The following ROBO1 variants were observed in gnomAD, a reference collection of about 807,000 sequenced individuals.
ROBO1 encodes roundabout guidance receptor 1, also known as roundabout homolog 1.
A neutral mutation model predicts 195.9 loss-of-function variants in ROBO1; 149 were observed. That is an observed-to-expected ratio of 0.76 (90% CI 0.67 to 0.87). The LOEUF is 0.87. Ranked by LOEUF, ROBO1 falls within the 40% of genes least tolerant of loss-of-function variation. The pLI is 0.00. For synonymous variants in ROBO1, 816 were observed against 733.2 expected, an observed-to-expected ratio of 1.11 and a Z score of -1.82; for missense variants, 1,933 against 2,068.3, an observed-to-expected ratio of 0.93 and a Z score of 1.27.
intron 4 of ROBO1, among the ~76,000 whole-genome samples, chr3:78,922,113 T>A (rs984164480): frequency 4.6e-5 from 7 of 152,054 alleles, no homozygotes; most frequent in Non-Finnish European, 8.8e-5. Context: ...ATAAACTAGG[T>A]TTACATGGTA....
At chr3:78,899,627 A>T (rs911092245) in intron 4 of ROBO1, among the ~76,000 whole-genome samples, 3 of 152,204 alleles carry the variant, frequency 2.0e-5, no homozygotes, top group African/African-American at 7.2e-5. Context: ...CTTCAAAAAT[A>T]AATTAAGATC....
intron 2 of ROBO1, among the ~76,000 whole-genome samples, chr3:79,443,781 A>T (rs572485102): frequency 6.6e-6 from 1 of 152,124 alleles, no homozygotes; most frequent in Non-Finnish European, 1.5e-5. Flanking sequence ...AACAATTTGC[A>T]TAATTTATTA....
chr3:78,854,537 GCTTT>G (rs1266337221), intron 4 of ROBO1, among the ~76,000 whole-genome samples: 2 of 151,102 alleles, frequency 1.3e-5, no homozygotes, highest in African/African-American at 4.9e-5. Context: ...ATTAAGAAGG[GCTTT>G]CTTTGTGTGG....
chr3:79,088,872 A>G (rs1341840567), intron 3 of ROBO1, among the ~76,000 whole-genome samples: 1 of 152,028 alleles, frequency 6.6e-6, no homozygotes, highest in Non-Finnish European at 1.5e-5. Flanking sequence ...GACATATTTT[A>G]CCCATATTTT....
At chr3:79,304,572 A>G (rs991600744) in intron 2 of ROBO1, among the ~76,000 whole-genome samples, 5 of 152,170 alleles carry the variant, frequency 3.3e-5, no homozygotes, top group African/African-American at 1.2e-4. Context: ...GTCACTATAC[A>G]TTAGTTTACA....
At chr3:78,753,931 T>TAAAAA (rs1405442860) in intron 4 of ROBO1, among the ~76,000 whole-genome samples, 1 of 152,222 alleles carries the variant, frequency 6.6e-6, no homozygotes, top group Non-Finnish European at 1.5e-5. Context: ...AGATTTATTT[T>TAAAAA]AAAAGTTCAC....
intron 1 of ROBO1, among the ~76,000 whole-genome samples, chr3:79,708,011 G>T (rs9813485): frequency 0.29 from 44,206 of 151,944 alleles, 7,466 homozygotes; most frequent in African/African-American, 0.47. Flanking sequence ...TACAAGGAGT[G>T]GTATTCTGTT....
rs561918347 is a variant in ROBO1, at chr3:79,320,742, C to T, written c.89-195203G>A. ...AACAGAAGGCTCTACTTTAGGCAAA[C>T]CTACATTAAATTATTAAGGCTTAAT... On this transcript the variant is annotated intron_variant, in intron 2 of 30. Coordinates refer to ENST00000464233, the MANE Select transcript of ROBO1 (RefSeq NM_002941.4). Among the ~76,000 whole-genome samples the T allele has an allele frequency of 6.6e-5, 10 of 152,254 alleles. No homozygotes were observed. In the East Asian group the frequency reaches 1.9e-3, roughly 29 times the overall value.
intron 2 of ROBO1, among the ~76,000 whole-genome samples, chr3:79,235,201 G>A (rs920255826): frequency 2.0e-5 from 3 of 151,800 alleles, no homozygotes; most frequent in African/African-American, 7.3e-5. Context: ...CTTGAATAAT[G>A]TTTCAAATTT....
chr3:79,381,242 A>ACCT (rs1260068045), intron 2 of ROBO1, among the ~76,000 whole-genome samples: 1 of 151,332 alleles, frequency 6.6e-6, no homozygotes, highest in Non-Finnish European at 1.5e-5. Flanking sequence ...CTGTAATCCC[A>ACCT]GCTACTTGGG....
At chr3:79,404,222 A>G in intron 2 of ROBO1, among the ~76,000 whole-genome samples, 1 of 152,052 alleles carries the variant, frequency 6.6e-6, no homozygotes, top group East Asian at 1.9e-4. Context: ...TGAGGCAACA[A>G]AGTTACACTG....
At chr3:79,544,827 G>C (rs549461914) in intron 2 of ROBO1, among the ~76,000 whole-genome samples, 74 of 152,102 alleles carry the variant, frequency 4.9e-4, no homozygotes, top group Non-Finnish European at 9.1e-4. Flanking sequence ...AGGAATCATG[G>C]CCTAATTTAT....
chr3:78,788,923 T>C (rs1176649720), intron 4 of ROBO1, among the ~76,000 whole-genome samples: 4 of 152,204 alleles, frequency 2.6e-5, no homozygotes. Context: ...AGTTGGATGA[T>C]ACCATAACTA....
intron 5 of ROBO1, among the ~76,000 whole-genome samples, chr3:78,723,922 G>T (rs1018835440): frequency 9.2e-5 from 14 of 152,030 alleles, no homozygotes; most frequent in Admixed American, 1.3e-4. Context: ...ATACTCTCCC[G>T]CATAAATTTC....
intron 1 of ROBO1, among the ~76,000 whole-genome samples, chr3:79,659,868 C>T (rs556895007): frequency 5.0e-4 from 76 of 152,116 alleles, no homozygotes; most frequent in Admixed American, 5.9e-4. Flanking sequence ...ATAAGCCCAG[C>T]AACATGAACT....
chr3:78,661,038 A>T lies in ROBO1; in HGVS notation c.2312T>A (p.Leu771Gln), dbSNP rs762227194. 2 of 1,611,306 alleles carry T rather than the reference A, an allele frequency of 1.2e-6. No individual in the cohort carries two copies. The highest frequency in any genetic ancestry group is 3.3e-5 in the Admixed American group (2 of 59,828). ...ADSEIKFAKT[L>Q]EEAPSAPPQG... ...CGCTTCATCATACTTGCCTTCTTCC[A>T]GGGTTTTGGCAAACTTGATTTCACT... Residue 771 changes from leucine to glutamine, a missense_variant, in exon 16 of 31, where the codon CTG (leucine) becomes CAG (glutamine). Coordinates refer to ENST00000464233, the MANE Select transcript of ROBO1 (RefSeq NM_002941.4).
intron 4 of ROBO1, among the ~76,000 whole-genome samples, chr3:78,936,038 C>T (rs1226113434): frequency 6.6e-6 from 1 of 151,910 alleles, no homozygotes; most frequent in Non-Finnish European, 1.5e-5. Context: ...GAGGTCTACC[C>T]TTGTTATAAC....
intron 9 of ROBO1, among the ~76,000 whole-genome samples, chr3:78,688,022 A>C (rs932617229): frequency 6.6e-6 from 1 of 152,206 alleles, no homozygotes; most frequent in Non-Finnish European, 1.5e-5. Context: ...TATTAAACTG[A>C]AGTCCAATAA....
At chr3:79,063,142 T>C (rs372185136) in intron 3 of ROBO1, among the ~76,000 whole-genome samples, 9 of 151,862 alleles carry the variant, frequency 5.9e-5, no homozygotes, top group Middle Eastern at 3.4e-3. Context: ...AGAAAATAAA[T>C]AAACAGACAG....
Sources: gnomAD v4.1 joint callset for allele counts (sites outside exome capture counted in the v4.1 genomes callset) on GRCh38, gnomAD v4.1.1 for gene constraint, MANE v1.5 for transcripts, NCBI Gene and HGNC (gene_info 2026-07-23, HGNC 2026-07-21) for gene names.